The following ADGRG1 variants were observed in gnomAD, a reference collection of about 807,000 sequenced individuals.
The protein encoded by ADGRG1 is 7-transmembrane protein with no EGF-like N-terminal domains-1.
Under a neutral mutation model 73.5 loss-of-function variants are expected in ADGRG1, and 53 were observed. That is an observed-to-expected ratio of 0.72 (90% CI 0.58 to 0.91). The LOEUF is 0.91. Ranked by LOEUF, ADGRG1 falls within the 40% of genes least tolerant of loss-of-function variation. ADGRG1 has a pLI of 0.00. For synonymous variants in ADGRG1, 394 were observed against 374.4 expected (o/e 1.05, Z -0.60); for missense variants, 795 against 871.8 (o/e 0.91, Z 1.11).
At position 57,651,384 on chromosome 16, in the gene ADGRG1, C is replaced by T. The variant is rs563444751; in HGVS notation, c.249C>T (p.Asp83=). ...ACCCTGCTTCCCGATCCTTCCCTGA[C>T]CCCAGGGGCCTCTACCACTTCTGCC... The part of the protein sequence containing the change: ...AAHPASRSFP[D]PRGLYHFCLY... Residue 83 remains aspartate (D), a synonymous_variant, in exon 3 of 14, where the codon GAC becomes GAT. Transcript: ENST00000562631. 2.7e-5 allele frequency: 43 copies of T among 1,614,144 alleles called. No homozygotes were observed. In the African/African-American group the frequency reaches 4.3e-4, roughly 16 times the overall value.
upstream of ADGRG1, chr16:57,623,738 T>C: frequency 1.0e-6 from 1 of 959,316 alleles, no homozygotes; most frequent in Non-Finnish European, 1.2e-6. Flanking sequence ...ACGCAATCCC[T>C]GCTGGGCCTG....
chr16:57,625,637 G>A (rs1596967592), upstream of ADGRG1: 1 of 984,160 alleles, frequency 1.0e-6, no homozygotes. Context: ...GAATCCCCTG[G>A]GCATCTTATT....
intron 1 of ADGRG1, chr16:57,643,607 C>T: frequency 1.0e-6 from 1 of 984,816 alleles, no homozygotes; most frequent in South Asian, 4.7e-5. Flanking sequence ...GTGAGGCTCA[C>T]CCTGGGCAGT....
At chr16:57,660,479 A>G in intron 11 of ADGRG1, 5 of 809,248 alleles carry the variant, frequency 6.2e-6, no homozygotes, top group Non-Finnish European at 6.0e-6. Context: ...CTCCCCTGTG[A>G]CATCCAGCCC....
chr16:57,627,970 C>T (rs1189984826), upstream of ADGRG1: 14 of 983,572 alleles, frequency 1.4e-5, no homozygotes, highest in African/African-American at 3.5e-5. Context: ...TAAAGGAGGC[C>T]GTTTCCAGAA....
intron 9 of ADGRG1, 26 bp downstream of exon 9, chr16:57,656,643 A>G (rs2045810665): frequency 1.5e-6 from 2 of 1,352,482 alleles, no homozygotes; most frequent in African/African-American, 1.4e-5. Context: ...CCCACCTCGC[A>G]GCCACACCCC....
At chr16:57,654,229 C>T (rs1418574688) in intron 5 of ADGRG1, 96 bp downstream of exon 5, 1 of 1,259,070 alleles carries the variant, frequency 7.9e-7, no homozygotes. Flanking sequence ...AGTGCCGTCG[C>T]AGCCTCTCCC....
At chr16:57,652,187 T>G (rs1308825146) in intron 3 of ADGRG1, 34 of 992,254 alleles carry the variant, frequency 3.4e-5, no homozygotes, top group Non-Finnish European at 4.0e-5. Flanking sequence ...TGGGGTTGAC[T>G]CTGAGGTCCA....
At chr16:57,647,592 T>A in intron 1 of ADGRG1, 1 of 380,122 alleles carries the variant, frequency 2.6e-6, no homozygotes, top group Non-Finnish European at 3.6e-6. Context: ...AGAAGGTGAG[T>A]AACTAGCCCA....
Position 57,653,943 on chromosome 16 carries a change from G to T in ADGRG1, c.621-43G>T, listed in dbSNP as rs768352195. ...CCTGCCTCAGTCTCCCTGGTGGCCC[G>T]GCCCCCTCCCCACCATCACCACCGC... On this transcript the variant is annotated intron_variant, in intron 4 of 13. Transcript: ENST00000562631. The T allele has an allele frequency of 3.1e-6, 5 of 1,612,022 alleles. No homozygotes were observed. The East Asian group carries it at 8.9e-5, about 29-fold the overall frequency.
chr16:57,629,764 C>A (rs2037209198), intron 1 of ADGRG1, among the ~76,000 whole-genome samples: 1 of 152,182 alleles, frequency 6.6e-6, no homozygotes, highest in South Asian at 2.1e-4. Context: ...CTCCATCTGC[C>A]TGGCACTGAT....
chr16:57,635,826 C>T, intron 1 of ADGRG1: 1 of 985,346 alleles, frequency 1.0e-6, no homozygotes, highest in Non-Finnish European at 1.2e-6. Flanking sequence ...AGCTCTGTGT[C>T]CCTGGGCAAG....
At chr16:57,639,562 A>G in intron 1 of ADGRG1, 20 of 985,260 alleles carry the variant, frequency 2.0e-5, no homozygotes, top group Non-Finnish European at 2.2e-5. Flanking sequence ...TGGTCGGGGG[A>G]CATTGACCCA....
At chr16:57,632,685 G>C (rs1049482095) in intron 1 of ADGRG1, 27 of 692,530 alleles carry the variant, frequency 3.9e-5, no homozygotes, top group Admixed American at 1.9e-4. Flanking sequence ...GGTGGGCGTC[G>C]GGCTCCCGAG....
chr16:57,644,623 C>A (rs2041915843), intron 1 of ADGRG1, among the ~76,000 whole-genome samples: 1 of 148,290 alleles, frequency 6.7e-6, no homozygotes, highest in African/African-American at 2.5e-5. Context: ...CCCATGCGCA[C>A]ACACATGCAC....
chr16:57,628,167 C>T (rs947621463), upstream of ADGRG1: 12 of 985,354 alleles, frequency 1.2e-5, no homozygotes, highest in African/African-American at 8.7e-5. Flanking sequence ...TCCGCTCTGC[C>T]GGTCAGCACT....
upstream of ADGRG1, chr16:57,626,538 C>A: frequency 2.1e-6 from 2 of 965,410 alleles, no homozygotes; most frequent in Non-Finnish European, 2.5e-6. Context: ...CAAAGTCCGA[C>A]GGTGAGAGAG....
upstream of ADGRG1, chr16:57,622,937 G>T: frequency 1.0e-6 from 1 of 985,458 alleles, no homozygotes; most frequent in Non-Finnish European, 1.2e-6. Flanking sequence ...GGGACAGGGT[G>T]ACCCTGGGGG....
In ADGRG1 at chr16:57,644,229, C is replaced by A. The variant is rs1227731975; in HGVS notation, c.-35-6024C>A. On this transcript the variant is annotated intron_variant, in intron 1 of 13. Transcript: ENST00000562631. Reference sequence around the variant, plus strand: ...GTATGCACGGGCACACGCACTCATGCACACACACTCATGCACACACATGCA... The same window carrying A: ...GTATGCACGGGCACACGCACTCATGAACACACACTCATGCACACACATGCA... 4.1e-6 allele frequency: 4 copies of A among 976,580 alleles called. No individual in the cohort carries two copies. The East Asian group carries it at 4.6e-4, about 111-fold the overall frequency. The allele number at this position is 976,580 out of a possible 1,614,324, so 60.5% of individuals were successfully genotyped here. A position where few individuals can be genotyped will look rare whatever the true frequency, so the allele number is the denominator to read the frequency against.
Sources: gnomAD v4.1 joint callset for allele counts (sites outside exome capture counted in the v4.1 genomes callset) on GRCh38, gnomAD v4.1.1 for gene constraint, MANE v1.5 for transcripts, NCBI Gene and HGNC (gene_info 2026-07-23, HGNC 2026-07-21) for gene names.